CRYL1: variants seen among roughly 807,000 people sequenced by gnomAD.
CRYL1 encodes the protein lambda-crystallin homolog.
Under a neutral mutation model 36.6 loss-of-function variants are expected in CRYL1, and 29 were observed. The ratio of observed to expected loss-of-function variants is 0.79; its 90% CI spans 0.59 to 1.08. The LOEUF is 1.08. Ranked by LOEUF, CRYL1 falls within the 50% of genes least tolerant of loss-of-function variation. The probability of loss-of-function intolerance (pLI) is 0.00; values close to 1 mark genes in which losing one functional copy is unlikely to be tolerated. For missense variants in CRYL1, 411 were observed against 407.9 expected (o/e 1.01, Z -0.06); for synonymous variants, 152 against 151.5 (o/e 1.00, Z -0.02).
chr13:20,413,441 G>T (rs560097700), intron 5 of CRYL1, 54 bp from the exon 6 acceptor site: 3 of 1,104,744 alleles, frequency 2.7e-6, no homozygotes, highest in South Asian at 2.7e-5. Context: ...ACAATTTCAT[G>T]ACCACCACTT....
chr13:20,451,983 G>GA (rs1399321140), intron 3 of CRYL1, among the ~76,000 whole-genome samples: 1 of 152,056 alleles, frequency 6.6e-6, no homozygotes, highest in Non-Finnish European at 1.5e-5. Context: ...ATCATTTACA[G>GA]AAACATGGCT....
intron 1 of CRYL1, among the ~76,000 whole-genome samples, chr13:20,514,883 T>G (rs2033974208): frequency 6.6e-6 from 1 of 151,786 alleles, no homozygotes; most frequent in Non-Finnish European, 1.5e-5. Flanking sequence ...TTCCTAGGTA[T>G]CTACCCAACA....
In CRYL1 at chr13:20,512,532, G is replaced by C. The variant is rs2033933835; in HGVS notation, c.60C>G (p.Ser20Arg). The C allele has an allele frequency of 6.2e-7, 1 of 1,613,782 alleles. No individual in the cohort carries two copies. The highest frequency in any genetic ancestry group is 1.3e-5 in the African/African-American group (1 of 75,050). ...VIVGSGVIGR[S>R]WAMLFASGGF... ...CTCCACTGGCAAACAGCATGGCCCA[G>C]CTTCGCCCAATGACTCCACTGAAGG... Residue 20 changes from serine to arginine, a missense_variant, in exon 2 of 8, where the codon AGC (serine) becomes AGG (arginine). Ser to Arg is a moderately radical substitution (Grantham distance 110). Coordinates refer to ENST00000298248, the MANE Select transcript of CRYL1 (RefSeq NM_015974.3).
At chr13:20,467,822 G>C (rs4569106) in intron 3 of CRYL1, among the ~76,000 whole-genome samples, 125,269 of 152,120 alleles carry the variant, frequency 0.82, 51,717 homozygotes, top group Admixed American at 0.87. Context: ...GGTCTGCAAC[G>C]CCCGGTGCCT....
At chr13:20,463,272 C>A (rs912996415) in intron 3 of CRYL1, among the ~76,000 whole-genome samples, 3 of 152,246 alleles carry the variant, frequency 2.0e-5, no homozygotes, top group African/African-American at 7.2e-5. Flanking sequence ...CCAAACTCCA[C>A]CTCCAAGAGA....
intron 1 of CRYL1, among the ~76,000 whole-genome samples, chr13:20,519,429 A>G (rs1297248272): frequency 6.6e-6 from 1 of 151,398 alleles, no homozygotes; most frequent in African/African-American, 2.4e-5. Context: ...AGCCCTAACT[A>G]CCAGTTTCAG....
rs371014351 is a variant in CRYL1 at position 20,504,275 on chromosome 13, C to T, written c.149+8168G>A. On this transcript the variant is annotated intron_variant, in intron 2 of 7. Coordinates refer to ENST00000298248, the MANE Select transcript of CRYL1 (RefSeq NM_015974.3). ...GTTACAACTTTGTTTACTTGATTTGCTTTTCTTTTTTCTTTTCTTTTCTTT... is the reference window on the plus strand; with the variant it reads ...GTTACAACTTTGTTTACTTGATTTGTTTTTCTTTTTTCTTTTCTTTTCTTT... 5.4e-5 allele frequency among the ~76,000 whole-genome samples: 8 copies of T among 147,704 alleles called. No individual in the cohort carries two copies. In the East Asian group the frequency reaches 5.9e-4, roughly 11 times the overall value.
intron 3 of CRYL1, among the ~76,000 whole-genome samples, chr13:20,461,104 C>T (rs971317658): frequency 9.8e-5 from 15 of 152,326 alleles, no homozygotes; most frequent in African/African-American, 3.1e-4. Flanking sequence ...ATCATCTTTT[C>T]ACATGCACAC....
intron 2 of CRYL1, among the ~76,000 whole-genome samples, chr13:20,501,291 G>A (rs1373777469): frequency 2.6e-5 from 4 of 152,206 alleles, no homozygotes; most frequent in Non-Finnish European, 5.9e-5. Context: ...TGAGGAAACA[G>A]ATTGAGTGAG....
chr13:20,437,991 C>A (rs1247351541), intron 4 of CRYL1, among the ~76,000 whole-genome samples: 1 of 152,146 alleles, frequency 6.6e-6, no homozygotes, highest in Non-Finnish European at 1.5e-5. Context: ...GTCACCAAAG[C>A]AAAGGCACGA....
At chr13:20,449,528 C>T (rs1593451673) in intron 3 of CRYL1, among the ~76,000 whole-genome samples, 1 of 151,958 alleles carries the variant, frequency 6.6e-6, no homozygotes, top group Non-Finnish European at 1.5e-5. Context: ...TTTTAGCCAC[C>T]TGTATGAATA....
chr13:20,491,153 T>C (rs1002936109), intron 2 of CRYL1, among the ~76,000 whole-genome samples: 3 of 152,162 alleles, frequency 2.0e-5, no homozygotes, highest in Non-Finnish European at 4.4e-5. Flanking sequence ...CTGATCCTCC[T>C]GCCTTGGCCT....
In CRYL1 at chr13:20,439,514, C is replaced by CAAAAAAAAAAAA. The variant is rs56087130; in HGVS notation, c.438+67_438+78dup. ...ACAAGTTATTGACCCCCCTCCCCCG[C>CAAAAAAAAAAAA]AAAAAAAAAAAAAAAAGAAAAAAAA... is the stretch of plus-strand genomic sequence containing the variant. On this transcript the variant is annotated intron_variant, in intron 4 of 7. Transcript: ENST00000298248. 30 of 331,766 alleles carry CAAAAAAAAAAAA rather than the reference C, an allele frequency of 9.0e-5. 1 individual carries two copies. Among genetic ancestry groups the CAAAAAAAAAAAA allele is most frequent in the East Asian group, 2.5e-4 (3 of 11,852 alleles). 20.6% of individuals were successfully genotyped at this position (331,766 alleles called of 1,614,324 possible).
intron 3 of CRYL1, among the ~76,000 whole-genome samples, chr13:20,467,924 G>C (rs79428931): frequency 2.0e-5 from 3 of 152,190 alleles, no homozygotes; most frequent in Non-Finnish European, 4.4e-5. Flanking sequence ...TTAGATCAGC[G>C]TGGCATTGGA....
intron 1 of CRYL1, among the ~76,000 whole-genome samples, chr13:20,519,962 TTTTAG>T (rs2034065843): frequency 6.6e-6 from 1 of 152,230 alleles, no homozygotes; most frequent in Non-Finnish European, 1.5e-5. Context: ...AGTCCATATC[TTTTAG>T]ATACTATACA....
chr13:20,438,574 C>T (rs914019160), intron 4 of CRYL1, among the ~76,000 whole-genome samples: 20 of 152,158 alleles, frequency 1.3e-4, no homozygotes, highest in African/African-American at 4.8e-4. Context: ...ACCAGGCTGG[C>T]CTCCCACAAT....
chr13:20,506,697 T>C (rs1010672736), intron 2 of CRYL1, among the ~76,000 whole-genome samples: 1 of 152,160 alleles, frequency 6.6e-6, no homozygotes, highest in Non-Finnish European at 1.5e-5. Context: ...AACCGTGGGA[T>C]TTTCTCTTAA....
At chr13:20,486,452 C>A (rs1355308483) in intron 3 of CRYL1, among the ~76,000 whole-genome samples, 1 of 151,810 alleles carries the variant, frequency 6.6e-6, no homozygotes, top group African/African-American at 2.4e-5. Flanking sequence ...TCCTCCCACA[C>A]AATCCTCCCA....
chr13:20,408,843 T>C (rs1413275631), intron 6 of CRYL1, among the ~76,000 whole-genome samples: 1 of 151,882 alleles, frequency 6.6e-6, no homozygotes, highest in Non-Finnish European at 1.5e-5. Context: ...CTCAAGGAAA[T>C]AAAAGAGGAT....
Sources: allele counts gnomAD v4.1 joint callset (sites outside exome capture counted in the v4.1 genomes callset), GRCh38; gene constraint gnomAD v4.1.1; transcripts MANE v1.5; gene names NCBI Gene and HGNC (gene_info 2026-07-23, HGNC 2026-07-21).